The following CCZ1B variants were observed in gnomAD, a reference collection of about 807,000 sequenced individuals.
CCZ1B encodes CCZ1B vacuolar protein trafficking and biogenesis associated.
In CCZ1B, 25 loss-of-function variants were observed where a neutral mutation model predicts 58.8. That is an observed-to-expected ratio of 0.43 (90% confidence interval 0.31 to 0.59). The LOEUF is 0.59. Ranked by LOEUF, CCZ1B falls within the 20% of genes least tolerant of loss-of-function variation. The pLI, the probability that CCZ1B is intolerant of heterozygous loss-of-function variation, is 0.12. For synonymous variants in CCZ1B, 66 were observed against 173.2 expected, an observed-to-expected ratio of 0.38 and a Z score of 4.86; for missense variants, 180 against 501.5, an observed-to-expected ratio of 0.36 and a Z score of 6.12.
At chr7:6,824,834 T>C (rs1583559061) in intron 1 of CCZ1B, 97 bp from the exon 2 acceptor site, 3 of 1,422,024 alleles carry the variant, frequency 2.1e-6, no homozygotes, top group Non-Finnish European at 1.9e-6. Context: ...GTGTCACACA[T>C]GCTAATGACA....
chr7:6,808,702 C>A (rs1185417374), intron 10 of CCZ1B, among the ~76,000 whole-genome samples: 1 of 150,878 alleles, frequency 6.6e-6, no homozygotes, highest in Admixed American at 6.6e-5. Context: ...GTGTCATCGT[C>A]CAATTATGAT....
intron 1 of CCZ1B, 27 bp downstream of exon 1, chr7:6,826,045 GCCGCCC>G: frequency 1.7e-6 from 1 of 583,324 alleles, no homozygotes; most frequent in African/African-American, 2.4e-5. Flanking sequence ...GAACACCGGC[GCCGCCC>G]GCCCGCGCGC....
chr7:6,824,545 T>C lies in CCZ1B; in HGVS notation c.222A>G (p.Thr74=), dbSNP rs1783164900. 2.5e-6 allele frequency: 4 copies of C among 1,609,576 alleles called. No homozygotes were observed. The highest frequency in any genetic ancestry group is 1.7e-5 in the Admixed American group (1 of 59,584). The change falls in exon 3 of 15, where the codon ACA becomes ACG. Residue 74 remains threonine (T), a synonymous_variant. Transcript: ENST00000316731. ...ATTTTGCAGGTTTTGATGGGCTAAA[T>C]GTCCTACAAAGGTTAAAAAAATATG... ...LCEAIVQFTR[T]FSPSKPAKSL...
intron 7 of CCZ1B, among the ~76,000 whole-genome samples, chr7:6,819,123 G>GAAAA (rs1173368085): frequency 0.14 from 9,447 of 65,736 alleles, 1,056 homozygotes; most frequent in Non-Finnish European, 0.18. Flanking sequence ...ATCTCTATAA[G>GAAAA]AAAAAAAAAA....
Position 6,824,088 on chromosome 7 carries a change from C to A in CCZ1B, c.390+1G>T. On this transcript the variant is annotated splice_donor_variant, in intron 4 of 14. Transcript: ENST00000316731. LOFTEE classifies it high-confidence loss of function. ...TAAATAAACAAACAATGACACATTA[C>A]CAACAACTCCTCCTCTTGATATTCA... 2 of 1,432,412 alleles carry A rather than the reference C, an allele frequency of 1.4e-6. No individual in the cohort carries two copies. The highest frequency in any genetic ancestry group is 9.4e-7 in the Non-Finnish European group (1 of 1,062,972). 88.7% of individuals were successfully genotyped at this position (1,432,412 alleles called of 1,614,324 possible).
At chr7:6,812,732 G>A (rs1474147644) in intron 9 of CCZ1B, among the ~76,000 whole-genome samples, 16 of 151,624 alleles carry the variant, frequency 1.1e-4, no homozygotes, top group Non-Finnish European at 2.4e-4. Flanking sequence ...AGACCAGCCT[G>A]GCCAACATGA....
chr7:6,819,470 G>A (rs62441820), intron 7 of CCZ1B, among the ~76,000 whole-genome samples: 36,977 of 147,754 alleles, frequency 0.25, 5,261 homozygotes, highest in South Asian at 0.35. Flanking sequence ...TCCTGACCTC[G>A]TGATTCACCT....
intron 8 of CCZ1B, among the ~76,000 whole-genome samples, chr7:6,814,286 T>C (rs61502260): frequency 0.013 from 1,889 of 148,360 alleles, 112 homozygotes; most frequent in African/African-American, 0.021. Context: ...CCTGTAATCC[T>C]AGCACTTTGG....
rs978023586 is a variant in CCZ1B at position 6,812,027 on chromosome 7, A to G, written c.879T>C (p.Asp293=). The change falls in exon 10 of 15, where the codon GAT becomes GAC. Residue 293 remains aspartate (D), a synonymous_variant. Coordinates refer to ENST00000316731, the MANE Select transcript of CCZ1B (RefSeq NM_198097.5). ...LTGPLNLNDP[D]AKCRFPKIFV... Reference sequence around the variant, plus strand: ...AAATTTTGGGGAATCTGCATTTTGCATCTGGATCATTGAGGTTCAAGGGTC... The same window carrying G: ...AAATTTTGGGGAATCTGCATTTTGCGTCTGGATCATTGAGGTTCAAGGGTC... 6.4e-7 allele frequency: 1 copy of G among 1,565,882 alleles called. No individual in the cohort carries two copies. The highest frequency in any genetic ancestry group is 8.7e-7 in the Non-Finnish European group (1 of 1,143,016).
intron 6 of CCZ1B, among the ~76,000 whole-genome samples, chr7:6,820,708 G>C (rs1316268192): frequency 1.3e-5 from 2 of 148,678 alleles, no homozygotes; most frequent in Admixed American, 6.7e-5. Context: ...CATCACTTGA[G>C]GTCAGGAGTT....
rs759055556 is a variant in CCZ1B, at chr7:6,819,837, A to G, written c.627T>C (p.Phe209=). The change falls in exon 7 of 15, where the codon TTT becomes TTC. Residue 209 remains phenylalanine (F), a synonymous_variant. Coordinates refer to ENST00000316731, the MANE Select transcript of CCZ1B (RefSeq NM_198097.5). ...TCAGGCTTTCCTCCATTCTATTAAT[A>G]AAGGACTGGATTTTCAAATAAGTCA... is the stretch of plus-strand genomic sequence containing the variant. ...DKMTYLKIQS[F]INRMEESLNI... is the part of the protein sequence containing the mutation. 57 of 1,570,522 alleles carry G rather than the reference A, an allele frequency of 3.6e-5. 1 individual carries two copies. Among genetic ancestry groups the G allele is most frequent in the Non-Finnish European group, 4.5e-5 (52 of 1,147,862 alleles).
intron 7 of CCZ1B, among the ~76,000 whole-genome samples, chr7:6,816,712 T>C (rs1285022106): frequency 1.3e-5 from 2 of 150,872 alleles, no homozygotes; most frequent in African/African-American, 4.9e-5. Flanking sequence ...CTTTTTGGTA[T>C]TTAATATAAC....
rs1782713164 is a variant in CCZ1B, at chr7:6,799,016, G to A, written c.*208C>T. The A allele has an allele frequency of 2.8e-6, 1 of 357,118 alleles. No homozygotes were observed. The highest frequency in any genetic ancestry group is 4.6e-6 in the Non-Finnish European group (1 of 219,500). 22.1% of individuals were successfully genotyped at this position (357,118 alleles called of 1,614,324 possible). The stretch of plus-strand genomic sequence containing the variant: ...AATGTCAAAAGAATGAAATGATAGC[G>A]ATATAGCCAACTACCTTTAATTAAT... On this transcript the variant is annotated 3_prime_UTR_variant, in exon 15 of 15. Transcript: ENST00000316731.
At chr7:6,823,409 T>C (rs375988411) in intron 4 of CCZ1B, 49 bp from the exon 5 acceptor site, 2 of 1,603,016 alleles carry the variant, frequency 1.2e-6, no homozygotes, top group African/African-American at 1.4e-5. Flanking sequence ...GGAAAAACAA[T>C]GTCTACTGGA....
At chr7:6,818,368 G>C (rs1363738173) in intron 7 of CCZ1B, among the ~76,000 whole-genome samples, 2 of 149,470 alleles carry the variant, frequency 1.3e-5, no homozygotes, top group Non-Finnish European at 3.0e-5. Flanking sequence ...GGCCAACATG[G>C]TAAAACCCTG....
rs968975187 is a variant in CCZ1B at position 6,799,090 on chromosome 7, C to G, written c.*134G>C. 1.5e-6 allele frequency: 1 copy of G among 682,066 alleles called. No individual in the cohort carries two copies. Among genetic ancestry groups the G allele is most frequent in the African/African-American group, 3.2e-5 (1 of 31,734 alleles). 42.3% of individuals were successfully genotyped at this position (682,066 alleles called of 1,614,324 possible). A position where few individuals can be genotyped will look rare whatever the true frequency, so the allele number is the denominator to read the frequency against. ...AAAACCTCAGATCAGCAGACCGAGT[C>G]GAAATCTGATTCTTCAAAGCAAGTA... On this transcript the variant is annotated 3_prime_UTR_variant, in exon 15 of 15. Transcript: ENST00000316731.
chr7:6,816,952 T>C lies in CCZ1B; in HGVS notation c.699-2107A>G, dbSNP rs1014322483. Among the ~76,000 whole-genome samples, 2 of 150,856 alleles carry C rather than the reference T, an allele frequency of 1.3e-5. 1 individual carries two copies. The highest frequency in any genetic ancestry group is 6.4e-3 in the Middle Eastern group (2 of 314). On this transcript the variant is annotated intron_variant, in intron 7 of 14. Transcript: ENST00000316731. ...TTTTTTTTTGCATTTTTTGTAGAGA[T>C]ACAGTCTCACTATGCTGCCCAGGCT...
intron 9 of CCZ1B, 144 bp downstream of exon 9, chr7:6,812,832 A>C: frequency 6.7e-7 from 1 of 1,485,354 alleles, no homozygotes; most frequent in Non-Finnish European, 9.1e-7. Flanking sequence ...AGGCTGAGGC[A>C]TGAGAATCAC....
chr7:6,822,375 A>G lies in CCZ1B; in HGVS notation c.439-11T>C, dbSNP rs773104227. The G allele has an allele frequency of 1.3e-6, 2 of 1,587,226 alleles. No homozygotes were observed. Among genetic ancestry groups the G allele is most frequent in the African/African-American group, 1.4e-5 (1 of 70,688 alleles). On this transcript the variant is annotated splice_polypyrimidine_tract_variant and intron_variant, in intron 5 of 14. Transcript: ENST00000316731. ...TGTACCATTAAAAAGCTAGTGAGGT[A>G]AAAGATTGCAGAAAAAAAAATCAGT...
Sources: gnomAD v4.1 joint callset for allele counts (sites outside exome capture counted in the v4.1 genomes callset) on GRCh38, gnomAD v4.1.1 for gene constraint, MANE v1.5 for transcripts, NCBI Gene and HGNC (gene_info 2026-07-23, HGNC 2026-07-21) for gene names.